Variants in PLCH1 observed in about 807,000 individuals in gnomAD.
PLCH1 encodes the protein 1-phosphatidylinositol 4,5-bisphosphate phosphodiesterase eta-1.
In PLCH1, 60 loss-of-function variants were observed where a neutral mutation model predicts 126.7. That is an observed-to-expected ratio of 0.47 (90% CI 0.38 to 0.59). The LOEUF (loss-of-function observed/expected upper bound fraction) is 0.59, where lower values mean the gene tolerates loss of function less well. Among genes scored for constraint, PLCH1 ranks in the 20% least tolerant of loss-of-function variants. The pLI, the probability that PLCH1 is intolerant of heterozygous loss-of-function variation, is 0.00. For synonymous variants in PLCH1, 719 were observed against 734.9 expected, an observed-to-expected ratio of 0.98 and a Z score of 0.35; for missense variants, 1,723 against 2,040.0, an observed-to-expected ratio of 0.84 and a Z score of 2.99.
chr3:155,573,932 T>C (rs895977638), intron 6 of PLCH1, among the ~76,000 whole-genome samples: 2 of 152,068 alleles, frequency 1.3e-5, no homozygotes, highest in African/African-American at 4.8e-5. Context: ...TCTTTTTTTT[T>C]AGATAGAGTC....
intron 2 of PLCH1, among the ~76,000 whole-genome samples, chr3:155,599,294 A>G (rs1156266425): frequency 1.3e-5 from 2 of 152,212 alleles, no homozygotes; most frequent in Admixed American, 6.5e-5. Context: ...ATGGGAGGCC[A>G]AAGAAAAAGA....
intron 2 of PLCH1, among the ~76,000 whole-genome samples, chr3:155,668,309 GA>G (rs1451818700): frequency 2.0e-5 from 3 of 152,044 alleles, no homozygotes; most frequent in Non-Finnish European, 2.9e-5. Flanking sequence ...CTTAGAACAA[GA>G]AAAAGCACTG....
intron 21 of PLCH1, among the ~76,000 whole-genome samples, chr3:155,467,456 C>G (rs1328423271): frequency 6.6e-6 from 1 of 151,860 alleles, no homozygotes; most frequent in Non-Finnish European, 1.5e-5. Flanking sequence ...CACCTGTAAT[C>G]CCAGCTACTT....
At chr3:155,584,481 T>G (rs1406185557) in intron 5 of PLCH1, among the ~76,000 whole-genome samples, 1 of 152,220 alleles carries the variant, frequency 6.6e-6, no homozygotes, top group African/African-American at 2.4e-5. Context: ...TTCTAGTAAT[T>G]ATTGAGCATG....
chr3:155,483,507 A>G, intron 22 of PLCH1: 1 of 466,570 alleles, frequency 2.1e-6, no homozygotes, highest in Admixed American at 4.1e-5. Context: ...AAAGAAGAAA[A>G]GAAGAAAAAC....
chr3:155,722,044 C>G (rs950793936), intron 1 of PLCH1, among the ~76,000 whole-genome samples: 18 of 151,856 alleles, frequency 1.2e-4, no homozygotes, highest in Non-Finnish European at 2.5e-4. Context: ...GAGACTCTGT[C>G]TCAAAAAAAA....
chr3:155,657,474 T>C (rs1394446907), intron 2 of PLCH1, among the ~76,000 whole-genome samples: 1 of 152,188 alleles, frequency 6.6e-6, no homozygotes, highest in Admixed American at 6.5e-5. Context: ...ATGCGGACTC[T>C]AGCATTCGGC....
intron 10 of PLCH1, among the ~76,000 whole-genome samples, chr3:155,526,219 C>A (rs1425505726): frequency 6.6e-6 from 1 of 152,118 alleles, no homozygotes; most frequent in African/African-American, 2.4e-5. Context: ...CTTCTGCAAT[C>A]CCCTCCCTTT....
intron 1 of PLCH1, among the ~76,000 whole-genome samples, chr3:155,704,767 G>C (rs1179387358): frequency 6.6e-6 from 1 of 152,068 alleles, no homozygotes; most frequent in Non-Finnish European, 1.5e-5. Flanking sequence ...CCCTCTTTTT[G>C]GTTCATTGCT....
intron 2 of PLCH1, among the ~76,000 whole-genome samples, chr3:155,697,664 C>A (rs564954516): frequency 6.6e-6 from 1 of 152,096 alleles, no homozygotes; most frequent in African/African-American, 2.4e-5. Flanking sequence ...TGAAGAAATA[C>A]GGAGAGAAGA....
intron 2 of PLCH1, among the ~76,000 whole-genome samples, chr3:155,606,466 T>G (rs1734376180): frequency 1.3e-5 from 2 of 152,236 alleles, no homozygotes; most frequent in African/African-American, 4.8e-5. Flanking sequence ...ATGAGGAAAC[T>G]TTCAGCCTTG....
intron 2 of PLCH1, among the ~76,000 whole-genome samples, chr3:155,697,446 T>C (rs996916467): frequency 1.3e-5 from 2 of 151,330 alleles, no homozygotes; most frequent in African/African-American, 2.4e-5. Flanking sequence ...CTCTGAGGAG[T>C]GAAACTGGAG....
At chr3:155,727,747 T>G (rs888778608) in intron 1 of PLCH1, among the ~76,000 whole-genome samples, 1 of 152,156 alleles carries the variant, frequency 6.6e-6, no homozygotes, top group Non-Finnish European at 1.5e-5. Flanking sequence ...TTCATAGGTA[T>G]TGTAAATTCC....
intron 2 of PLCH1, among the ~76,000 whole-genome samples, chr3:155,663,094 G>C (rs887176452): frequency 2.0e-5 from 3 of 152,128 alleles, no homozygotes; most frequent in Non-Finnish European, 4.4e-5. Flanking sequence ...TCCATCGTAG[G>C]ACACTAGTGC....
At chr3:155,472,113 C>A (rs528823740) in intron 21 of PLCH1, among the ~76,000 whole-genome samples, 1 of 152,026 alleles carries the variant, frequency 6.6e-6, no homozygotes, top group African/African-American at 2.4e-5. Context: ...CACAAAAAAC[C>A]CTTCGAAAAA....
chr3:155,585,274 A>G (rs571209581), intron 5 of PLCH1, among the ~76,000 whole-genome samples: 1 of 152,298 alleles, frequency 6.6e-6, no homozygotes, highest in Admixed American at 6.5e-5. Flanking sequence ...GAACAAGTAC[A>G]AACATTAAAC....
intron 1 of PLCH1, among the ~76,000 whole-genome samples, chr3:155,734,618 T>C (rs775126252): frequency 4.6e-5 from 7 of 152,172 alleles, no homozygotes; most frequent in Non-Finnish European, 1.0e-4. Context: ...AATAGCGAAG[T>C]TATGGAATCT....
chr3:155,651,474 G>T (rs138732944), intron 2 of PLCH1, among the ~76,000 whole-genome samples: 92 of 152,138 alleles, frequency 6.0e-4, no homozygotes, highest in African/African-American at 2.1e-3. Context: ...GTTGGAGGGG[G>T]TGGCGTGGAG....
intron 1 of PLCH1, among the ~76,000 whole-genome samples, chr3:155,715,469 T>C (rs1163294819): frequency 6.6e-6 from 1 of 151,906 alleles, no homozygotes; most frequent in Non-Finnish European, 1.5e-5. Context: ...CACACCCAAC[T>C]AATTTTTGTA....
Sources: allele counts gnomAD v4.1 joint callset (sites outside exome capture counted in the v4.1 genomes callset), GRCh38; gene constraint gnomAD v4.1.1; transcripts MANE v1.5; gene names NCBI Gene and HGNC (gene_info 2026-07-23, HGNC 2026-07-21).